The following RBAK variants were observed in gnomAD, a reference collection of about 807,000 sequenced individuals.
The protein encoded by RBAK is RB-associated KRAB zinc finger protein.
Under a neutral mutation model 65.8 loss-of-function variants are expected in RBAK, and 39 were observed. The ratio of observed to expected loss-of-function variants is 0.59; its 90% CI spans 0.46 to 0.77. The LOEUF (loss-of-function observed/expected upper bound fraction) is 0.77, where lower values mean the gene tolerates loss of function less well. RBAK is among the 30% of genes least tolerant of loss of function. The pLI is 0.00. For synonymous variants in RBAK, 343 were observed against 289.7 expected, an observed-to-expected ratio of 1.18 and a Z score of -1.87; for missense variants, 884 against 855.1, an observed-to-expected ratio of 1.03 and a Z score of -0.42.
At chr7:5,059,151 A>G (rs1449332507) in intron 4 of RBAK, among the ~76,000 whole-genome samples, 6 of 152,152 alleles carry the variant, frequency 3.9e-5, no homozygotes, top group African/African-American at 1.4e-4. Context: ...GCGTCAGCAC[A>G]TTCTGTTTCT....
chr7:5,062,218 A>T (rs1404117347), intron 4 of RBAK, among the ~76,000 whole-genome samples: 3 of 152,164 alleles, frequency 2.0e-5, no homozygotes, highest in Non-Finnish European at 2.9e-5. Flanking sequence ...TCCTGATCCC[A>T]TTTGTATCGG....
Position 5,065,443 on chromosome 7 carries a change from A to C in RBAK, c.1987A>C (p.Lys663Gln). 6.2e-7 allele frequency: 1 copy of C among 1,613,980 alleles called. No homozygotes were observed. The highest frequency in any genetic ancestry group is 8.5e-7 in the Non-Finnish European group (1 of 1,179,850). Reference protein sequence around the residue: ...CNECGKVFSQKSYLTVHYRTH... With the variant: ...CNECGKVFSQQSYLTVHYRTH... Reference sequence around the variant, plus strand: ...TGAATGTGGGAAAGTCTTTTCTCAGAAGTCATACCTCACTGTACACTATAG... The same window carrying C: ...TGAATGTGGGAAAGTCTTTTCTCAGCAGTCATACCTCACTGTACACTATAG... Residue 663 changes from lysine to glutamine, a missense_variant, in exon 5 of 5, where the codon AAG (lysine) becomes CAG (glutamine). Physicochemically the swap from Lys to Gln is moderately conservative, Grantham distance 53. Coordinates refer to ENST00000396912, the MANE Select transcript of RBAK (RefSeq NM_021163.4). The surrounding 1 kb of genome is among the most constrained non-coding windows in gnomAD (Gnocchi z 5.3).
rs1195611857 is a variant in RBAK, at chr7:5,066,119, T to A, written c.*518T>A. ...AAGTATATGGCCGTTTTTTATCATGTCTTAAAAATGCAATCTAATGGTAAT... is the reference window on the plus strand; with the variant it reads ...AAGTATATGGCCGTTTTTTATCATGACTTAAAAATGCAATCTAATGGTAAT... On this transcript the variant is annotated 3_prime_UTR_variant, in exon 5 of 5. Coordinates refer to ENST00000396912, the MANE Select transcript of RBAK (RefSeq NM_021163.4). The A allele has an allele frequency of 6.6e-6, 1 of 152,608 alleles. No individual in the cohort carries two copies. The highest frequency in any genetic ancestry group is 2.4e-5 in the African/African-American group (1 of 41,452). 9.5% of individuals were successfully genotyped at this position (152,608 alleles called of 1,614,324 possible).
rs141446739 is a variant in RBAK at position 5,064,154 on chromosome 7, A to G, written c.698A>G (p.Tyr233Cys). ...HKRAYIGEKP[Y>C]EWNDSGPDFI... ...AGAGCTTACATAGGGGAGAAGCCCT[A>G]TGAGTGGAATGATTCTGGACCAGAC... The change falls in exon 5 of 5, where the codon TAT becomes TGT. Residue 233 changes from tyrosine to cysteine, a missense_variant. Tyr to Cys is a radical substitution (Grantham distance 194). Transcript: ENST00000396912. This position sits in a 1 kb window ranked among gnomAD's most constrained non-coding sequence, Gnocchi z 6.3. 24 of 1,613,980 alleles carry G rather than the reference A, an allele frequency of 1.5e-5. No individual in the cohort carries two copies. The highest frequency in any genetic ancestry group is 1.3e-4 in the South Asian group (12 of 91,082).
chr7:5,054,297 T>A (rs1788176968), intron 2 of RBAK, among the ~76,000 whole-genome samples: 1 of 151,490 alleles, frequency 6.6e-6, no homozygotes, highest in Non-Finnish European at 1.5e-5. Context: ...CCCAGCTACT[T>A]GGGAGACTGA....
At chr7:5,059,041 A>G (rs1436424296) in intron 4 of RBAK, among the ~76,000 whole-genome samples, 1 of 152,152 alleles carries the variant, frequency 6.6e-6, no homozygotes, top group Non-Finnish European at 1.5e-5. Context: ...ACATTCCAAA[A>G]TCATGAATTC....
chr7:5,063,062 A>G (rs544005993), intron 4 of RBAK, among the ~76,000 whole-genome samples: 2 of 152,362 alleles, frequency 1.3e-5, no homozygotes, highest in South Asian at 4.1e-4. Flanking sequence ...GATTAAAGTA[A>G]AGACAGGCAT....
At position 5,057,762 on chromosome 7, in the gene RBAK, C is replaced by T. The variant is rs144559781; in HGVS notation, c.221C>T (p.Pro74Leu). 3.7e-6 allele frequency: 6 copies of T among 1,613,734 alleles called. No individual in the cohort carries two copies. Among genetic ancestry groups the T allele is most frequent in the African/African-American group, 1.3e-5 (1 of 74,876 alleles). The part of the protein sequence containing the change: ...EEPWIMGGEF[P>L]CQHSPEAWRV... ...CCGTGGATAATGGGAGGTGAATTTC[C>T]ATGTCAACATAGTCCAGGTAAGTTA... The change falls in exon 4 of 5, where the codon CCA (proline) becomes CTA (leucine). Residue 74 changes from proline to leucine, a missense_variant. Pro to Leu is a moderately conservative substitution (Grantham distance 98). Coordinates refer to ENST00000396912, the MANE Select transcript of RBAK (RefSeq NM_021163.4).
chr7:5,062,724 A>G (rs1583461711), intron 4 of RBAK, among the ~76,000 whole-genome samples: 1 of 152,190 alleles, frequency 6.6e-6, no homozygotes, highest in Non-Finnish European at 1.5e-5. Flanking sequence ...ACCATAGACG[A>G]CGGCCACACC....
Position 5,057,347 on chromosome 7 carries a change from A to T in RBAK, c.68A>T (p.Gln23Leu). The change falls in exon 3 of 5, where the codon CAG becomes CTG. Residue 23 changes from glutamine to leucine, a missense_variant. Transcript: ENST00000396912. ...VAVDFTQEEW[Q>L]QLDPDEKITY... ...GTGGATTTCACCCAGGAGGAGTGGC[A>T]GCAGCTGGACCCTGATGAGAAGATA... The T allele has an allele frequency of 1.2e-6, 2 of 1,614,042 alleles. No homozygotes were observed. The highest frequency in any genetic ancestry group is 1.7e-6 in the Non-Finnish European group (2 of 1,180,000).
intron 4 of RBAK, among the ~76,000 whole-genome samples, chr7:5,058,133 G>T (rs559292962): frequency 2.0e-5 from 3 of 152,054 alleles, no homozygotes; most frequent in Non-Finnish European, 4.4e-5. Flanking sequence ...GGTGTGCAGT[G>T]GTATGATCTC....
rs754199614 is a variant in RBAK, at chr7:5,046,048, C to T, written c.-393C>T. On this transcript the variant is annotated 5_prime_UTR_variant, in exon 1 of 5. Transcript: ENST00000396912. ...GGGTGGAGGCTTGAGCGGGGACCCC[C>T]GAGCTTGAGCCCCGGAGCCGGCGGC... 2.1e-4 allele frequency: 58 copies of T among 278,792 alleles called. No individual in the cohort carries two copies. The highest frequency in any genetic ancestry group is 3.5e-4 in the Non-Finnish European group (51 of 145,462). The allele number at this position is 278,792 out of a possible 1,614,324, so 17.3% of individuals were successfully genotyped here. A position where few individuals can be genotyped will look rare whatever the true frequency, so the allele number is the denominator to read the frequency against.
In RBAK at chr7:5,068,394, A is replaced by G. The variant is rs2115052083; in HGVS notation, c.*2793A>G. The G allele has an allele frequency of 6.6e-6, 1 of 152,326 alleles. No homozygotes were observed. Among genetic ancestry groups the G allele is most frequent in the Middle Eastern group, 3.4e-3 (1 of 294 alleles). The allele number at this position is 152,326 out of a possible 1,614,324, so 9.4% of individuals were successfully genotyped here. A position where few individuals can be genotyped will look rare whatever the true frequency, so the allele number is the denominator to read the frequency against. On this transcript the variant is annotated 3_prime_UTR_variant, in exon 5 of 5. Coordinates refer to ENST00000396912, the MANE Select transcript of RBAK (RefSeq NM_021163.4). ...GCACCTACAAATCAACAAGGGGGAA[A>G]CTGGAAAAGGCAAAAGACTTTAGAG...
Position 5,064,955 on chromosome 7 carries a change from A to G in RBAK, c.1499A>G (p.Asp500Gly), listed in dbSNP as rs761944320. 3.2e-5 allele frequency: 52 copies of G among 1,613,980 alleles called. No homozygotes were observed. The highest frequency in any genetic ancestry group is 2.1e-5 in the Non-Finnish European group (25 of 1,179,944). Residue 500 changes from aspartate to glycine, a missense_variant, in exon 5 of 5, where the codon GAC (aspartate) becomes GGC (glycine). Transcript: ENST00000396912. The surrounding 1 kb of genome is among the most constrained non-coding windows in gnomAD (Gnocchi z 6.3). The part of the protein sequence containing the change: ...CGKFSQLYLT[D>G]HHTAHLEEKP... ...AAGTTCTCTCAGTTGTATCTCACCG[A>G]CCATCATACAGCTCATTTAGAAGAG...
At chr7:5,061,812 C>T (rs954076502) in intron 4 of RBAK, among the ~76,000 whole-genome samples, 10 of 151,654 alleles carry the variant, frequency 6.6e-5, no homozygotes, top group Admixed American at 1.3e-4. Context: ...GCAGGAGATT[C>T]GCTTGAGCCT....
At position 5,064,845 on chromosome 7, in the gene RBAK, C is replaced by T; in HGVS notation, c.1389C>T (p.Gly463=). 1 of 1,613,234 alleles carries T rather than the reference C, an allele frequency of 6.2e-7. No homozygotes were observed. The part of the protein sequence containing the change: ...EEKPYECNEC[G]KTFNLNSAFI... Reference sequence around the variant, plus strand: ...AACCCTATGAATGTAATGAATGTGGCAAAACCTTCAATTTAAATTCAGCCT... The same window carrying T: ...AACCCTATGAATGTAATGAATGTGGTAAAACCTTCAATTTAAATTCAGCCT... The change falls in exon 5 of 5, where the codon GGC becomes GGT. Residue 463 remains glycine (G), a synonymous_variant. Coordinates refer to ENST00000396912, the MANE Select transcript of RBAK (RefSeq NM_021163.4). The surrounding 1 kb of genome is among the most constrained non-coding windows in gnomAD (Gnocchi z 6.3).
intron 4 of RBAK, among the ~76,000 whole-genome samples, chr7:5,061,133 A>T (rs771428706): frequency 6.6e-5 from 10 of 152,238 alleles, no homozygotes; most frequent in Non-Finnish European, 1.3e-4. Flanking sequence ...CATTTGTTTT[A>T]TGTTATAAAC....
chr7:5,065,323 T>C lies in RBAK; in HGVS notation c.1867T>C (p.Tyr623His). 1 of 1,613,904 alleles carries C rather than the reference T, an allele frequency of 6.2e-7. No homozygotes were observed. Among genetic ancestry groups the C allele is most frequent in the Non-Finnish European group, 8.5e-7 (1 of 1,179,888 alleles). Residue 623 changes from tyrosine to histidine, a missense_variant, in exon 5 of 5, where the codon TAT becomes CAT. Tyr to His is a moderately conservative substitution (Grantham distance 83). Coordinates refer to ENST00000396912, the MANE Select transcript of RBAK (RefSeq NM_021163.4). This position sits in a 1 kb window ranked among gnomAD's most constrained non-coding sequence, Gnocchi z 5.3. ...TCGAATTCATTCAGGAGAGAAACCCTATGAATGTAGTAAATGTGGAAAAGT... is the reference window on the plus strand; with the variant it reads ...TCGAATTCATTCAGGAGAGAAACCCCATGAATGTAGTAAATGTGGAAAAGT... ...HHRIHSGEKP[Y>H]ECSKCGKVFS... is the part of the protein sequence containing the mutation.
chr7:5,063,475 C>T (rs980408997), intron 4 of RBAK, among the ~76,000 whole-genome samples: 4 of 98,378 alleles, frequency 4.1e-5, no homozygotes, highest in African/African-American at 1.2e-4. Flanking sequence ...TTAATTCTTT[C>T]ACTGTGTGTG....
Sources: gnomAD v4.1 joint callset for allele counts (sites outside exome capture counted in the v4.1 genomes callset) on GRCh38, gnomAD v4.1.1 for gene constraint, Gnocchi (gnomAD v3.1) non-coding constraint, MANE v1.5 for transcripts, NCBI Gene and HGNC (gene_info 2026-07-23, HGNC 2026-07-21) for gene names.